The following KIAA1328 variants were observed in gnomAD, a reference collection of about 807,000 sequenced individuals.
The protein encoded by KIAA1328 is KIAA1328.
KIAA1328 carries 52 observed loss-of-function variants against 68.1 expected under a neutral mutation model. The observed-to-expected ratio is 0.76, with a 90% confidence interval of 0.61 to 0.96. The LOEUF is 0.96. Among genes scored for constraint, KIAA1328 ranks in the 40% least tolerant of loss-of-function variants. The probability of loss-of-function intolerance (pLI) is 0.00; values close to 1 mark genes in which losing one functional copy is unlikely to be tolerated. For synonymous variants in KIAA1328, 232 were observed against 239.4 expected (o/e 0.97, Z 0.28); for missense variants, 641 against 677.6 (o/e 0.95, Z 0.60).
chr18:36,880,171 G>A (rs868566210), intron 4 of KIAA1328, among the ~76,000 whole-genome samples: 17 of 152,286 alleles, frequency 1.1e-4, no homozygotes, highest in African/African-American at 3.6e-4. Context: ...GCACCCGAGG[G>A]AATCTCCTGA....
intron 9 of KIAA1328, among the ~76,000 whole-genome samples, chr18:37,207,338 C>T (rs552443432): frequency 6.6e-6 from 1 of 152,270 alleles, no homozygotes; most frequent in South Asian, 2.1e-4. Context: ...CTGGTTAGGT[C>T]GTTCCTGACT....
chr18:36,976,961 A>C (rs937533915), intron 6 of KIAA1328, among the ~76,000 whole-genome samples: 4 of 152,194 alleles, frequency 2.6e-5, no homozygotes, highest in African/African-American at 9.7e-5. Flanking sequence ...AGTATTGATT[A>C]AAAGGAAGCT....
At chr18:36,878,313 G>T (rs1336588168) in intron 4 of KIAA1328, among the ~76,000 whole-genome samples, 3 of 152,112 alleles carry the variant, frequency 2.0e-5, no homozygotes, top group Non-Finnish European at 4.4e-5. Context: ...GAAATTCTGG[G>T]TTGAAAATTC....
rs1005827091 is a variant in KIAA1328, at chr18:36,987,812, C to G, written c.576+28377C>G. On this transcript the variant is annotated intron_variant, in intron 6 of 9. Transcript: ENST00000280020. ...GCAGGTGATTGCATGTCAGTCATAT[C>G]TCAGTAATGCTGTTTTTTTTTGTTT... Among the ~76,000 whole-genome samples the G allele has an allele frequency of 4.6e-5, 7 of 151,698 alleles. No homozygotes were observed. In the East Asian group the frequency reaches 1.4e-3, roughly 29 times the overall value.
rs984976233 is a variant in KIAA1328 at position 37,223,296 on chromosome 18, A to G, written c.*1069A>G. 3.0e-6 allele frequency: 3 copies of G among 985,350 alleles called. No individual in the cohort carries two copies. The highest frequency in any genetic ancestry group is 1.1e-4 in the East Asian group (1 of 8,782). 61.0% of individuals were successfully genotyped at this position (985,350 alleles called of 1,614,324 possible). On this transcript the variant is annotated 3_prime_UTR_variant, in exon 10 of 10. Coordinates refer to ENST00000280020, the MANE Select transcript of KIAA1328 (RefSeq NM_020776.3). ...TCCACCACCCAAGCAGGGTCTCCCT[A>G]CTTTTTCTCACTGGCCTCGTTTTGA...
At chr18:36,888,348 G>T (rs2048569986) in intron 5 of KIAA1328, among the ~76,000 whole-genome samples, 1 of 152,044 alleles carries the variant, frequency 6.6e-6, no homozygotes, top group Non-Finnish European at 1.5e-5. Flanking sequence ...CTTCAGTAAA[G>T]GTTTGCTGGT....
intron 5 of KIAA1328, among the ~76,000 whole-genome samples, chr18:36,925,825 C>T (rs1215735242): frequency 6.6e-6 from 1 of 151,820 alleles, no homozygotes; most frequent in Non-Finnish European, 1.5e-5. Flanking sequence ...AGGCGTAAGC[C>T]ATCGTGCCCA....
intron 9 of KIAA1328, among the ~76,000 whole-genome samples, chr18:37,216,864 A>G (rs145170497): frequency 7.5e-6 from 1 of 133,118 alleles, no homozygotes; most frequent in Non-Finnish European, 1.6e-5. Flanking sequence ...TGTTGAATTG[A>G]TCCCTTTACC....
At chr18:37,132,779 C>T (rs1181028386) in intron 7 of KIAA1328, among the ~76,000 whole-genome samples, 1 of 152,150 alleles carries the variant, frequency 6.6e-6, no homozygotes, top group Non-Finnish European at 1.5e-5. Flanking sequence ...TAAGAGTTGC[C>T]TTTAGTTAAC....
chr18:37,090,650 C>G (rs1341687574), intron 7 of KIAA1328, among the ~76,000 whole-genome samples: 2 of 152,086 alleles, frequency 1.3e-5, no homozygotes, highest in African/African-American at 4.8e-5. Context: ...GAAGCACTTG[C>G]CAGAGTTTCT....
At chr18:36,870,837 A>G (rs748010843) in intron 4 of KIAA1328, among the ~76,000 whole-genome samples, 1 of 152,172 alleles carries the variant, frequency 6.6e-6, no homozygotes, top group Non-Finnish European at 1.5e-5. Flanking sequence ...CATAACCTTG[A>G]CACGTATGTG....
At chr18:37,181,451 A>G (rs551699156) in intron 9 of KIAA1328, among the ~76,000 whole-genome samples, 68 of 152,190 alleles carry the variant, frequency 4.5e-4, no homozygotes, top group African/African-American at 1.6e-3. Flanking sequence ...GTGTTTGATG[A>G]AAAGATACTG....
At chr18:36,897,724 G>C (rs2048910176) in intron 5 of KIAA1328, among the ~76,000 whole-genome samples, 1 of 152,058 alleles carries the variant, frequency 6.6e-6, no homozygotes, top group Non-Finnish European at 1.5e-5. Flanking sequence ...GACTAGTTCA[G>C]CAGTATAGAG....
intron 6 of KIAA1328, among the ~76,000 whole-genome samples, chr18:36,999,787 A>T (rs1240288545): frequency 2.0e-5 from 3 of 152,204 alleles, no homozygotes; most frequent in African/African-American, 7.2e-5. Context: ...TGGAAGTGAC[A>T]GACGAACATT....
intron 6 of KIAA1328, among the ~76,000 whole-genome samples, chr18:37,021,859 G>A (rs2151532166): frequency 6.6e-6 from 1 of 151,870 alleles, no homozygotes; most frequent in East Asian, 1.9e-4. Flanking sequence ...TAACACAGTG[G>A]AACCCCGTCT....
At chr18:37,120,931 C>T (rs928874155) in intron 7 of KIAA1328, among the ~76,000 whole-genome samples, 1 of 152,064 alleles carries the variant, frequency 6.6e-6, no homozygotes, top group Non-Finnish European at 1.5e-5. Flanking sequence ...TTAGAAATTT[C>T]TAGCTTTCTT....
intron 5 of KIAA1328, among the ~76,000 whole-genome samples, chr18:36,897,335 A>G (rs2048897226): frequency 6.6e-6 from 1 of 152,128 alleles, no homozygotes; most frequent in Admixed American, 6.6e-5. Flanking sequence ...TGGAAAATCC[A>G]GGCATCTAAA....
At chr18:37,095,178 T>A (rs554856050) in intron 7 of KIAA1328, among the ~76,000 whole-genome samples, 1 of 152,322 alleles carries the variant, frequency 6.6e-6, no homozygotes, top group African/African-American at 2.4e-5. Flanking sequence ...AAAGATCATC[T>A]AGGCAGAAAA....
chr18:37,096,460 C>T (rs2057410829), intron 7 of KIAA1328, among the ~76,000 whole-genome samples: 1 of 152,208 alleles, frequency 6.6e-6, no homozygotes, highest in East Asian at 1.9e-4. Context: ...GCCACATTTT[C>T]TTAATCCAGT....
Sources: allele counts gnomAD v4.1 joint callset (sites outside exome capture counted in the v4.1 genomes callset), GRCh38; gene constraint gnomAD v4.1.1; transcripts MANE v1.5; gene names NCBI Gene and HGNC (gene_info 2026-07-23, HGNC 2026-07-21).